SNTG1: variants seen among roughly 807,000 people sequenced by gnomAD.
SNTG1 encodes the protein gamma-1-syntrophin.
SNTG1 carries 39 observed loss-of-function variants against 74.7 expected under a neutral mutation model. The ratio of observed to expected loss-of-function variants is 0.52; its 90% CI spans 0.40 to 0.68. The LOEUF (loss-of-function observed/expected upper bound fraction) is 0.68, where lower values mean the gene tolerates loss of function less well. Ranked by LOEUF, SNTG1 falls within the 30% of genes least tolerant of loss-of-function variation. The pLI, the probability that SNTG1 is intolerant of heterozygous loss-of-function variation, is 0.00. For missense variants in SNTG1, 685 were observed against 609.5 expected (o/e 1.12, Z -1.30); for synonymous variants, 254 against 217.1 (o/e 1.17, Z -1.49).
intron 18 of SNTG1, among the ~76,000 whole-genome samples, chr8:50,788,410 TG>T (rs1325719799): frequency 2.0e-5 from 3 of 151,714 alleles, no homozygotes; most frequent in African/African-American, 7.3e-5. Context: ...TGCATGGCCA[TG>T]TTACTGTGGG....
intron 2 of SNTG1, among the ~76,000 whole-genome samples, chr8:50,189,303 A>T (rs1161891776): frequency 6.6e-6 from 1 of 152,062 alleles, no homozygotes; most frequent in Non-Finnish European, 1.5e-5. Context: ...AGTCTTTGAC[A>T]TCATAAAGCA....
At chr8:50,641,623 A>C (rs945463401) in intron 13 of SNTG1, among the ~76,000 whole-genome samples, 2 of 152,076 alleles carry the variant, frequency 1.3e-5, no homozygotes, top group African/African-American at 4.8e-5. Flanking sequence ...ATTTGCCCCC[A>C]CTACTCCTGG....
At chr8:50,787,240 T>C (rs1039430641) in intron 18 of SNTG1, among the ~76,000 whole-genome samples, 5 of 151,840 alleles carry the variant, frequency 3.3e-5, no homozygotes, top group African/African-American at 1.2e-4. Flanking sequence ...GAAATGATGC[T>C]CAAATCATTA....
intron 2 of SNTG1, among the ~76,000 whole-genome samples, chr8:50,352,397 C>T (rs1197346426): frequency 1.4e-5 from 2 of 146,228 alleles, no homozygotes; most frequent in Admixed American, 1.4e-4. Flanking sequence ...CGTTCTTTCT[C>T]TTTTTTTTTT....
At chr8:50,611,362 C>G (rs1054722376) in intron 13 of SNTG1, among the ~76,000 whole-genome samples, 1 of 152,074 alleles carries the variant, frequency 6.6e-6, no homozygotes, top group African/African-American at 2.4e-5. Flanking sequence ...AAGTGAGAAT[C>G]CCAGACAGAG....
intron 2 of SNTG1, among the ~76,000 whole-genome samples, chr8:50,308,506 T>C (rs2089986142): frequency 6.6e-6 from 1 of 152,174 alleles, no homozygotes; most frequent in African/African-American, 2.4e-5. Context: ...TAATATTTTA[T>C]GTATAAACCA....
intron 1 of SNTG1, among the ~76,000 whole-genome samples, chr8:50,102,394 T>G (rs965082831): frequency 1.3e-5 from 2 of 151,418 alleles, no homozygotes; most frequent in Non-Finnish European, 2.9e-5. Context: ...TCACCCACTT[T>G]TTGATGGGGT....
intron 13 of SNTG1, among the ~76,000 whole-genome samples, chr8:50,606,841 CTTTT>C (rs5891377): frequency 1.3e-5 from 2 of 151,298 alleles, no homozygotes; most frequent in Admixed American, 1.3e-4. Context: ...TGCCTTATGC[CTTTT>C]TTTTATTTCT....
chr8:50,584,940 C>T (rs939252128), intron 12 of SNTG1, among the ~76,000 whole-genome samples: 1 of 152,038 alleles, frequency 6.6e-6, no homozygotes, highest in Non-Finnish European at 1.5e-5. Context: ...GCCTGGAAAG[C>T]CCAAAGTGCT....
chr8:50,756,305 T>C (rs1348851153), intron 18 of SNTG1, among the ~76,000 whole-genome samples: 1 of 151,878 alleles, frequency 6.6e-6, no homozygotes, highest in Non-Finnish European at 1.5e-5. Flanking sequence ...GCCTTTGGCA[T>C]AGAATCTAAA....
intron 1 of SNTG1, among the ~76,000 whole-genome samples, chr8:50,170,005 A>C (rs1157153788): frequency 6.6e-6 from 1 of 152,194 alleles, no homozygotes; most frequent in Non-Finnish European, 1.5e-5. Flanking sequence ...GAGGGTGGTA[A>C]ATATGTAAAC....
At chr8:50,228,501 T>C (rs1163757519) in intron 2 of SNTG1, among the ~76,000 whole-genome samples, 1 of 151,902 alleles carries the variant, frequency 6.6e-6, no homozygotes, top group African/African-American at 2.4e-5. Context: ...TTGAAAACAA[T>C]GGTGAAGAGA....
chr8:50,357,036 T>G (rs2091836541), intron 2 of SNTG1, among the ~76,000 whole-genome samples: 1 of 152,190 alleles, frequency 6.6e-6, no homozygotes, highest in Non-Finnish European at 1.5e-5. Flanking sequence ...CCTTTGGGCC[T>G]TAGCACATGA....
intron 8 of SNTG1, among the ~76,000 whole-genome samples, chr8:50,455,948 A>G (rs2093501300): frequency 6.6e-6 from 1 of 152,228 alleles, no homozygotes; most frequent in South Asian, 2.1e-4. Flanking sequence ...TCTTTGAATT[A>G]ACTTCCACCA....
chr8:49,942,692 A>G (rs1007808957), intron 1 of SNTG1, among the ~76,000 whole-genome samples: 8 of 152,106 alleles, frequency 5.3e-5, no homozygotes, highest in African/African-American at 9.7e-5. Flanking sequence ...GGATGTCCCT[A>G]TATTGGGGTT....
intron 2 of SNTG1, among the ~76,000 whole-genome samples, chr8:50,341,856 A>G (rs1203764657): frequency 6.6e-6 from 1 of 152,064 alleles, no homozygotes; most frequent in African/African-American, 2.4e-5. Flanking sequence ...ATAACAAGCT[A>G]AATGCAGATA....
At chr8:50,300,577 AGATT>A (rs1189102670) in intron 2 of SNTG1, among the ~76,000 whole-genome samples, 3 of 152,090 alleles carry the variant, frequency 2.0e-5, no homozygotes, top group African/African-American at 7.2e-5. Context: ...TTTTAGTGAT[AGATT>A]AAGTAAAGCA....
intron 2 of SNTG1, among the ~76,000 whole-genome samples, chr8:50,340,368 G>T (rs952235197): frequency 1.3e-5 from 2 of 151,898 alleles, no homozygotes; most frequent in South Asian, 2.1e-4. Flanking sequence ...GTTAGCAAAA[G>T]AATAGACAAA....
chr8:50,372,050 A>G (rs1028975830), intron 2 of SNTG1, among the ~76,000 whole-genome samples: 1 of 152,104 alleles, frequency 6.6e-6, no homozygotes, highest in African/African-American at 2.4e-5. Context: ...AGAACTTACC[A>G]TTGCCATTTC....
Sources: allele counts gnomAD v4.1 joint callset (sites outside exome capture counted in the v4.1 genomes callset), GRCh38; gene constraint gnomAD v4.1.1; transcripts MANE v1.5; gene names NCBI Gene and HGNC (gene_info 2026-07-23, HGNC 2026-07-21).